THSD7B: variants seen among roughly 807,000 people sequenced by gnomAD.
THSD7B encodes thrombospondin type 1 domain containing 7B.
A neutral mutation model predicts 213.6 loss-of-function variants in THSD7B; 138 were observed. The observed-to-expected ratio is 0.65, with a 90% CI of 0.56 to 0.74. THSD7B has a LOEUF of 0.74. Ranked by LOEUF, THSD7B falls within the 30% of genes least tolerant of loss-of-function variation. The pLI is 0.00. For synonymous variants in THSD7B, 742 were observed against 687.0 expected (o/e 1.08, Z -1.25); for missense variants, 1,931 against 1,991.5 (o/e 0.97, Z 0.58).
At chr2:136,855,129 C>A (rs1481479844) in intron 1 of THSD7B, among the ~76,000 whole-genome samples, 1 of 151,922 alleles carries the variant, frequency 6.6e-6, no homozygotes, top group East Asian at 1.9e-4. Flanking sequence ...CTCGCGTCTC[C>A]TTTATAGAGA....
intron 15 of THSD7B, among the ~76,000 whole-genome samples, chr2:137,562,630 G>GTGTGTGTGTGTA (rs1681145338): frequency 6.7e-6 from 1 of 148,380 alleles, no homozygotes. Context: ...GTGTGTGTGT[G>GTGTGTGTGTGTA]TATCTGTTTT....
In THSD7B at chr2:136,832,175, TTGTGTGTGTGTG is replaced by T. The variant is rs376949671; in HGVS notation, c.-35-49953_-35-49942del. ...CAGAATCAATAGGATATACATCCTA[TTGTGTGTGTGTG>T]TGTGTGTGTGTGTGTATACACACAC... is the stretch of plus-strand genomic sequence containing the variant. On this transcript the variant is annotated intron_variant, in intron 1 of 27. Transcript: ENST00000409968. Among the ~76,000 whole-genome samples the T allele has an allele frequency of 4.2e-4, 31 of 72,984 alleles. 1 individual carries two copies. The South Asian group carries it at 0.013, about 31-fold the overall frequency. The allele number at this position is 72,984 out of a possible 152,430, so 47.9% of individuals were successfully genotyped here.
intron 20 of THSD7B, among the ~76,000 whole-genome samples, chr2:137,639,267 C>T (rs557250355): frequency 6.6e-6 from 1 of 152,248 alleles, no homozygotes; most frequent in Non-Finnish European, 1.5e-5. Flanking sequence ...GCTGTGGCTT[C>T]GGAGAGTGGA....
rs377562093 is a variant in THSD7B, at chr2:137,618,531, C to T, written c.3681+24C>T. The T allele has an allele frequency of 1.2e-5, 19 of 1,600,532 alleles. No individual in the cohort carries two copies. In the African/African-American group the frequency reaches 2.4e-4, roughly 20 times the overall value. On this transcript the variant is annotated intron_variant, in intron 19 of 27. Coordinates refer to ENST00000409968, the MANE Select transcript of THSD7B (RefSeq NM_001316349.2). ...AGGTACTGTGTTTATATTCATATCT[C>T]ACATCCAAGGCTTTGTTTTTCTTAA...
At chr2:136,911,734 A>T (rs1479145281) in intron 2 of THSD7B, among the ~76,000 whole-genome samples, 1 of 152,234 alleles carries the variant, frequency 6.6e-6, no homozygotes, top group Non-Finnish European at 1.5e-5. Flanking sequence ...ACTGACACTC[A>T]TTCAAATCAC....
chr2:136,846,038 T>G (rs1683004632), intron 1 of THSD7B, among the ~76,000 whole-genome samples: 1 of 152,170 alleles, frequency 6.6e-6, no homozygotes, highest in Non-Finnish European at 1.5e-5. Context: ...TCATCTTGGC[T>G]GAGGGATGAC....
intron 2 of THSD7B, among the ~76,000 whole-genome samples, chr2:137,040,240 A>G (rs766679197): frequency 1.3e-5 from 2 of 152,152 alleles, no homozygotes; most frequent in Non-Finnish European, 2.9e-5. Context: ...TCCGGTAGAA[A>G]GGTGGACAGG....
At chr2:136,980,111 G>A (rs1017215728) in intron 2 of THSD7B, among the ~76,000 whole-genome samples, 32 of 152,164 alleles carry the variant, frequency 2.1e-4, no homozygotes, top group Non-Finnish European at 8.8e-5. Context: ...AGTGGAAGCT[G>A]CAGAACAGCA....
intron 12 of THSD7B, among the ~76,000 whole-genome samples, chr2:137,386,152 C>T (rs528263910): frequency 1.3e-5 from 2 of 152,306 alleles, no homozygotes; most frequent in Non-Finnish European, 2.9e-5. Flanking sequence ...CAAACTCATG[C>T]TGTTTTCAAG....
chr2:137,360,774 G>A (rs1685237623), intron 12 of THSD7B, among the ~76,000 whole-genome samples: 1 of 152,158 alleles, frequency 6.6e-6, no homozygotes, highest in African/African-American at 2.4e-5. Flanking sequence ...CCACCTCTGG[G>A]GGCAGGGCAT....
At chr2:137,441,896 C>T (rs1687419715) in intron 14 of THSD7B, among the ~76,000 whole-genome samples, 2 of 152,092 alleles carry the variant, frequency 1.3e-5, no homozygotes, top group South Asian at 2.1e-4. Context: ...CAATCACCTA[C>T]CCCAAAAACA....
At chr2:137,400,995 A>G (rs1686343646) in intron 12 of THSD7B, among the ~76,000 whole-genome samples, 1 of 152,226 alleles carries the variant, frequency 6.6e-6, no homozygotes, top group Non-Finnish European at 1.5e-5. Flanking sequence ...AACCGCTGAC[A>G]TGCCAAAGAG....
At chr2:137,136,731 T>C (rs1330447414) in intron 5 of THSD7B, among the ~76,000 whole-genome samples, 2 of 152,226 alleles carry the variant, frequency 1.3e-5, no homozygotes, top group Non-Finnish European at 2.9e-5. Flanking sequence ...CAAGTTCACA[T>C]TATCATCCTC....
At chr2:137,283,082 T>C (rs924095111) in intron 12 of THSD7B, among the ~76,000 whole-genome samples, 1 of 152,186 alleles carries the variant, frequency 6.6e-6, no homozygotes, top group Non-Finnish European at 1.5e-5. Context: ...TTTATTTCAT[T>C]GATCAGTGAT....
intron 15 of THSD7B, among the ~76,000 whole-genome samples, chr2:137,506,451 A>G (rs1168464410): frequency 6.6e-6 from 1 of 152,210 alleles, no homozygotes; most frequent in Non-Finnish European, 1.5e-5. Flanking sequence ...TCTTGATTCT[A>G]TGCTAATGGA....
chr2:136,844,840 A>T (rs1682982831), intron 1 of THSD7B, among the ~76,000 whole-genome samples: 1 of 152,256 alleles, frequency 6.6e-6, no homozygotes, highest in Admixed American at 6.5e-5. Context: ...CCTAGCCATC[A>T]GAGTGCAAGG....
rs780847275 is a variant in THSD7B, at chr2:137,231,231, G to A, written c.1911G>A (p.Gly637=). Residue 637 remains glycine, a synonymous_variant, in exon 8 of 28, where the codon GGG becomes GGA. Coordinates refer to ENST00000409968, the MANE Select transcript of THSD7B (RefSeq NM_001316349.2). ...TRSRTILALA[G]EGGKPCPPSQ... is the part of the protein sequence containing the mutation. ...CAAGAACTATCCTGGCACTGGCTGG[G>A]GAAGGTGAGTAACAGAAAAGGTTTT... 7 of 1,605,504 alleles carry A rather than the reference G, an allele frequency of 4.4e-6. No individual in the cohort carries two copies. The highest frequency in any genetic ancestry group is 6.0e-6 in the Non-Finnish European group (7 of 1,175,294).
At chr2:137,362,270 T>G (rs1031219958) in intron 12 of THSD7B, among the ~76,000 whole-genome samples, 1 of 152,182 alleles carries the variant, frequency 6.6e-6, no homozygotes, top group Non-Finnish European at 1.5e-5. Context: ...TACCAGCCAC[T>G]GCAAAAACAT....
chr2:137,605,588 C>A (rs1055019972), intron 17 of THSD7B, among the ~76,000 whole-genome samples: 5 of 147,328 alleles, frequency 3.4e-5, no homozygotes, highest in Admixed American at 2.1e-4. Context: ...CTCAGCAGAG[C>A]CATAGTGTTA....
Sources: gnomAD v4.1 joint callset for allele counts (sites outside exome capture counted in the v4.1 genomes callset) on GRCh38, gnomAD v4.1.1 for gene constraint, MANE v1.5 for transcripts, NCBI Gene and HGNC (gene_info 2026-07-23, HGNC 2026-07-21) for gene names.